The following CLMP variants were observed in gnomAD, a reference collection of about 807,000 sequenced individuals.
CLMP encodes the protein CXADR-like membrane protein.
A neutral mutation model predicts 45.2 loss-of-function variants in CLMP; 27 were observed. That is an observed-to-expected ratio of 0.60 (90% CI 0.44 to 0.82). The LOEUF is 0.82. CLMP is among the 40% of genes least tolerant of loss of function. The pLI, the probability that CLMP is intolerant of heterozygous loss-of-function variation, is 0.00. For missense variants in CLMP, 403 were observed against 448.4 expected, an observed-to-expected ratio of 0.90 and a Z score of 0.91; for synonymous variants, 167 against 171.4, an observed-to-expected ratio of 0.97 and a Z score of 0.20.
intron 1 of CLMP, among the ~76,000 whole-genome samples, chr11:123,139,183 C>T (rs1032778409): frequency 3.3e-5 from 5 of 151,856 alleles, no homozygotes; most frequent in Non-Finnish European, 7.4e-5. Context: ...ATTTACTCTG[C>T]GGTCCTTTGC....
chr11:123,074,959 G>GTTTTT, intron 5 of CLMP, 116 bp from the exon 6 acceptor site: 6 of 944,334 alleles, frequency 6.4e-6, no homozygotes, highest in East Asian at 6.1e-5. Flanking sequence ...TGTTTGTTTT[G>GTTTTT]TTTTTTTTTT....
rs527508098 is a variant in CLMP at position 123,147,370 on chromosome 11, G to T, written c.28+47543C>A. Among the ~76,000 whole-genome samples the T allele has an allele frequency of 2.6e-5, 4 of 152,138 alleles. No individual in the cohort carries two copies. The South Asian group carries it at 8.3e-4, about 32-fold the overall frequency. ...CTTTTATCCTGCCTGTGGCCCCATG[G>T]TCTACCTTTCACTGGCCCCATAAGA... On this transcript the variant is annotated intron_variant, in intron 1 of 6. Transcript: ENST00000448775.
chr11:123,186,037 G>A (rs1184210161), intron 1 of CLMP, among the ~76,000 whole-genome samples: 1 of 152,156 alleles, frequency 6.6e-6, no homozygotes. Flanking sequence ...GTACCTATGT[G>A]ACCTGGCTGC....
chr11:123,106,416 T>TGCGC (rs1296310738), intron 1 of CLMP, among the ~76,000 whole-genome samples: 9 of 107,552 alleles, frequency 8.4e-5, no homozygotes, highest in African/African-American at 2.5e-4. Context: ...TGTGTGTGTG[T>TGCGC]GTGTGTGTGC....
intron 1 of CLMP, among the ~76,000 whole-genome samples, chr11:123,142,752 G>A (rs995343816): frequency 3.7e-5 from 5 of 136,884 alleles, no homozygotes; most frequent in East Asian, 4.3e-4. Context: ...TCAGCCTCCC[G>A]AGTAGCTGGG....
At position 123,129,343 on chromosome 11, in the gene CLMP, T is replaced by A. The variant is rs554572115; in HGVS notation, c.29-31391A>T. On this transcript the variant is annotated intron_variant, in intron 1 of 6. Transcript: ENST00000448775. ...AACTCTGTCTTAATATACATATATA[T>A]AAAATATATCATATGATATATTATA... is the stretch of plus-strand genomic sequence containing the variant. Among the ~76,000 whole-genome samples, 650 of 142,094 alleles carry A rather than the reference T, an allele frequency of 4.6e-3. 4 individuals are homozygous for A. The highest frequency in any genetic ancestry group is 0.017 in the South Asian group (80 of 4,610). 93.2% of individuals were successfully genotyped at this position (142,094 alleles called of 152,430 possible). A position where few individuals can be genotyped will look rare whatever the true frequency, so the allele number is the denominator to read the frequency against.
chr11:123,088,300 A>G (rs1223505171), intron 2 of CLMP, among the ~76,000 whole-genome samples: 1 of 152,208 alleles, frequency 6.6e-6, no homozygotes, highest in Non-Finnish European at 1.5e-5. Flanking sequence ...CGTTCACAAC[A>G]GGAAAAAACT....
chr11:123,152,350 C>T (rs948284457), intron 1 of CLMP, among the ~76,000 whole-genome samples: 26 of 151,724 alleles, frequency 1.7e-4, no homozygotes, highest in Admixed American at 1.4e-3. Flanking sequence ...GGTAAAACCC[C>T]GTCTCTACTA....
chr11:123,180,330 G>A (rs1861752827), intron 1 of CLMP, among the ~76,000 whole-genome samples: 1 of 152,172 alleles, frequency 6.6e-6, no homozygotes, highest in South Asian at 2.1e-4. Context: ...CAAGGTGCTG[G>A]TATTTGGAGG....
rs543212329 is a variant in CLMP at position 123,146,073 on chromosome 11, T to C, written c.29-48121A>G. 3.2e-4 allele frequency among the ~76,000 whole-genome samples: 48 copies of C among 152,302 alleles called. 1 individual carries two copies. Among genetic ancestry groups the C allele is most frequent in the African/African-American group, 1.2e-3 (48 of 41,570 alleles). The stretch of plus-strand genomic sequence containing the variant: ...ATGGCTGCTGTTAGCATCCCTATTT[T>C]ATAGATGGGGATGTTCAGGTATGGA... On this transcript the variant is annotated intron_variant, in intron 1 of 6. Transcript: ENST00000448775.
At chr11:123,078,595 C>T (rs925902858) in intron 5 of CLMP, among the ~76,000 whole-genome samples, 2 of 149,722 alleles carry the variant, frequency 1.3e-5, no homozygotes, top group African/African-American at 4.9e-5. Context: ...TAGAGGTGTG[C>T]ACCACCATGC....
At position 123,092,520 on chromosome 11, in the gene CLMP, A is replaced by G. The variant is rs542838269; in HGVS notation, c.186+5275T>C. 5.3e-5 allele frequency among the ~76,000 whole-genome samples: 8 copies of G among 151,018 alleles called. No individual in the cohort carries two copies. In the South Asian group the frequency reaches 1.7e-3, roughly 32 times the overall value. Reference sequence around the variant, plus strand: ...ACCATATTGGCCAGGTTGGTCTTGAACTCTTGACCTTGTGATCCACCCGCC... The same window carrying G: ...ACCATATTGGCCAGGTTGGTCTTGAGCTCTTGACCTTGTGATCCACCCGCC... On this transcript the variant is annotated intron_variant, in intron 2 of 6. Coordinates refer to ENST00000448775, the MANE Select transcript of CLMP (RefSeq NM_024769.5).
chr11:123,124,732 A>G (rs1462795145), intron 1 of CLMP, among the ~76,000 whole-genome samples: 1 of 152,228 alleles, frequency 6.6e-6, no homozygotes, highest in Non-Finnish European at 1.5e-5. Context: ...TCCTTCTCAG[A>G]AATGCGTACA....
In CLMP at chr11:123,166,842, G is replaced by A. The variant is rs754816688; in HGVS notation, c.28+28071C>T. On this transcript the variant is annotated intron_variant, in intron 1 of 6. Coordinates refer to ENST00000448775, the MANE Select transcript of CLMP (RefSeq NM_024769.5). ...GGGGTGATGAAAATGCTTATCACCC[G>A]GATTTGATCGTTACGTATCATATAC... is the stretch of plus-strand genomic sequence containing the variant. Among the ~76,000 whole-genome samples the A allele has an allele frequency of 3.3e-5, 5 of 152,090 alleles. No homozygotes were observed. In the East Asian group the frequency reaches 5.8e-4, roughly 18 times the overall value.
chr11:123,150,484 G>GAAAGAAAGAAA (rs1565397469), intron 1 of CLMP, among the ~76,000 whole-genome samples: 55 of 33,126 alleles, frequency 1.7e-3, no homozygotes, highest in Non-Finnish European at 2.8e-3. Context: ...AGAAAGAAAG[G>GAAAGAAAGAAA]AAGGAAGGAA....
intron 1 of CLMP, among the ~76,000 whole-genome samples, chr11:123,161,194 G>A (rs1364903026): frequency 1.3e-5 from 2 of 152,176 alleles, no homozygotes; most frequent in Non-Finnish European, 1.5e-5. Context: ...AGATTTGTAA[G>A]AGCAGTGCTT....
At chr11:123,127,894 C>T (rs992292199) in intron 1 of CLMP, among the ~76,000 whole-genome samples, 1 of 152,024 alleles carries the variant, frequency 6.6e-6, no homozygotes. Context: ...AAAAAATTAG[C>T]CGGGCGTGGT....
intron 1 of CLMP, among the ~76,000 whole-genome samples, chr11:123,165,056 T>C (rs563939825): frequency 6.6e-6 from 1 of 152,346 alleles, no homozygotes; most frequent in East Asian, 1.9e-4. Flanking sequence ...TTCTACATTG[T>C]GCATGGGACA....
chr11:123,175,214 G>A (rs1342670379), intron 1 of CLMP, among the ~76,000 whole-genome samples: 1 of 151,444 alleles, frequency 6.6e-6, no homozygotes, highest in Non-Finnish European at 1.5e-5. Flanking sequence ...TATAAAGAAA[G>A]GTTTAATTGA....
Sources: gnomAD v4.1 joint callset for allele counts (sites outside exome capture counted in the v4.1 genomes callset) on GRCh38, gnomAD v4.1.1 for gene constraint, MANE v1.5 for transcripts, NCBI Gene and HGNC (gene_info 2026-07-23, HGNC 2026-07-21) for gene names.